SEMA3D: variants seen among roughly 807,000 people sequenced by gnomAD.
The protein encoded by SEMA3D is semaphorin 3D.
In SEMA3D, 84 loss-of-function variants were observed where a neutral mutation model predicts 100.1. The ratio of observed to expected loss-of-function variants is 0.84; its 90% CI spans 0.70 to 1.01. The LOEUF is 1.01. Among genes scored for constraint, SEMA3D ranks in the 50% least tolerant of loss-of-function variants. The pLI, the probability that SEMA3D is intolerant of heterozygous loss-of-function variation, is 0.00. For synonymous variants in SEMA3D, 312 were observed against 320.7 expected (o/e 0.97, Z 0.29); for missense variants, 875 against 934.1 (o/e 0.94, Z 0.82).
At chr7:85,110,304 G>A (rs1420273452) in intron 3 of SEMA3D, among the ~76,000 whole-genome samples, 1 of 151,872 alleles carries the variant, frequency 6.6e-6, no homozygotes, top group Non-Finnish European at 1.5e-5. Flanking sequence ...TTGCATACAG[G>A]TAAGTTGTAT....
At chr7:85,042,002 G>T in intron 10 of SEMA3D, 169 bp downstream of exon 10, 2 of 617,534 alleles carry the variant, frequency 3.2e-6, no homozygotes. Context: ...CGTGTGCCCA[G>T]ACCTAGAGCA....
intron 15 of SEMA3D, among the ~76,000 whole-genome samples, chr7:85,016,150 A>G (rs892063175): frequency 2.6e-5 from 4 of 151,228 alleles, no homozygotes; most frequent in South Asian, 2.1e-4. Flanking sequence ...GAAATTCTCT[A>G]TACTGTTTGA....
At chr7:85,207,518 T>G in the SEMA3D span, among the ~76,000 whole-genome samples, 1 of 152,096 alleles carries the variant, frequency 6.6e-6, no homozygotes, top group African/African-American at 2.4e-5. Flanking sequence ...GTGAAGGCCC[T>G]GCTAATCTTT....
the SEMA3D span, among the ~76,000 whole-genome samples, chr7:85,202,879 G>A: frequency 2.0e-5 from 3 of 151,746 alleles, no homozygotes; most frequent in Non-Finnish European, 4.4e-5. Context: ...AAACTATATA[G>A]TAGAACAAAA....
At chr7:85,085,939 C>T (rs1788200048) in intron 4 of SEMA3D, among the ~76,000 whole-genome samples, 1 of 152,082 alleles carries the variant, frequency 6.6e-6, no homozygotes, top group South Asian at 2.1e-4. Flanking sequence ...TGAGTTGCAC[C>T]ATCCTAGTTG....
At chr7:85,021,799 TTAAG>T (rs1790264482) in intron 13 of SEMA3D, among the ~76,000 whole-genome samples, 2 of 151,956 alleles carry the variant, frequency 1.3e-5, no homozygotes, top group South Asian at 2.1e-4. Context: ...TTTTTTGAGA[TTAAG>T]TTTTTCTTTT....
At chr7:85,194,453 T>A in the SEMA3D span, among the ~76,000 whole-genome samples, 1 of 152,038 alleles carries the variant, frequency 6.6e-6, no homozygotes, top group Non-Finnish European at 1.5e-5. Flanking sequence ...TATTTATTGA[T>A]AAAATTTTAT....
chr7:85,037,050 T>G lies in SEMA3D; in HGVS notation c.1047-17A>C. On this transcript the variant is annotated splice_polypyrimidine_tract_variant and intron_variant, in intron 11 of 18. Transcript: ENST00000284136. ...AAGATGGAGCTGGAAAAAAAAAGCA[T>G]CATCATTCAATCATTCACTGATGAA... 1 of 1,608,368 alleles carries G rather than the reference T, an allele frequency of 6.2e-7. No homozygotes were observed.
intron 2 of SEMA3D, among the ~76,000 whole-genome samples, chr7:85,124,874 A>G (rs1404126474): frequency 2.6e-5 from 4 of 152,138 alleles, no homozygotes; most frequent in African/African-American, 9.6e-5. Context: ...AAAACAATGC[A>G]TATGGTCACT....
At chr7:85,222,904 C>T in the SEMA3D span, among the ~76,000 whole-genome samples, 2 of 151,996 alleles carry the variant, frequency 1.3e-5, no homozygotes, top group African/African-American at 2.4e-5. Context: ...AACCATGCAT[C>T]GGACAAAGGA....
chr7:85,051,187 G>A (rs184341784), intron 9 of SEMA3D, among the ~76,000 whole-genome samples: 85 of 151,862 alleles, frequency 5.6e-4, no homozygotes, highest in African/African-American at 1.8e-3. Flanking sequence ...GAAGCAATAG[G>A]TGCCTGCTGT....
At chr7:85,249,375 T>C in the SEMA3D span, among the ~76,000 whole-genome samples, 1 of 152,098 alleles carries the variant, frequency 6.6e-6, no homozygotes, top group Non-Finnish European at 1.5e-5. Flanking sequence ...GGTAATATGG[T>C]ATCATGCATG....
intron 1 of SEMA3D, among the ~76,000 whole-genome samples, chr7:85,176,622 T>A (rs1268927148): frequency 1.3e-5 from 2 of 151,984 alleles, no homozygotes; most frequent in Non-Finnish European, 2.9e-5. Flanking sequence ...TATAAAATTA[T>A]ATAGAAAAGT....
At chr7:85,072,397 A>G (rs1791799077) in intron 6 of SEMA3D, among the ~76,000 whole-genome samples, 2 of 152,186 alleles carry the variant, frequency 1.3e-5, no homozygotes, top group Admixed American at 6.5e-5. Flanking sequence ...GGTCAACTTT[A>G]TTAGATAGGA....
At chr7:85,202,087 T>C in the SEMA3D span, among the ~76,000 whole-genome samples, 1 of 151,782 alleles carries the variant, frequency 6.6e-6, no homozygotes. Flanking sequence ...CTTTAAGTTT[T>C]AGGGTACATG....
chr7:85,142,157 A>C, intron 2 of SEMA3D: 1 of 984,882 alleles, frequency 1.0e-6, no homozygotes, highest in Non-Finnish European at 1.2e-6. Flanking sequence ...ATTGCTGAAA[A>C]GGACAATTCG....
intron 16 of SEMA3D, among the ~76,000 whole-genome samples, chr7:85,014,749 A>T (rs17639510): frequency 1.3e-5 from 2 of 151,250 alleles, no homozygotes; most frequent in Admixed American, 6.6e-5. Flanking sequence ...GAACAATTAT[A>T]AAAAAGGCAA....
the SEMA3D span, among the ~76,000 whole-genome samples, chr7:85,229,074 G>A: frequency 6.6e-6 from 1 of 151,828 alleles, no homozygotes; most frequent in Admixed American, 6.6e-5. Context: ...TCTGAAAACT[G>A]CTTTTCTTAT....
the SEMA3D span, among the ~76,000 whole-genome samples, chr7:85,208,126 T>C: frequency 2.7e-5 from 4 of 145,714 alleles, no homozygotes; most frequent in Admixed American, 2.0e-4. Flanking sequence ...CAACATATCA[T>C]ATACATATTA....
Sources: allele counts gnomAD v4.1 joint callset (sites outside exome capture counted in the v4.1 genomes callset), GRCh38; gene constraint gnomAD v4.1.1; transcripts MANE v1.5; gene names NCBI Gene and HGNC (gene_info 2026-07-23, HGNC 2026-07-21).